KIDINS220: variants seen among roughly 807,000 people sequenced by gnomAD.
KIDINS220 encodes the protein kinase D interacting substrate 220.
Under a neutral mutation model 157.6 loss-of-function variants are expected in KIDINS220, and 63 were observed. The observed-to-expected ratio is 0.40, with a 90% CI of 0.33 to 0.49. The LOEUF (loss-of-function observed/expected upper bound fraction) is 0.49, where lower values mean the gene tolerates loss of function less well. KIDINS220 is among the 20% of genes least tolerant of loss of function. The pLI, the probability that KIDINS220 is intolerant of heterozygous loss-of-function variation, is 0.66. For synonymous variants in KIDINS220, 732 were observed against 783.6 expected, an observed-to-expected ratio of 0.93 and a Z score of 1.10; for missense variants, 1,772 against 2,171.2, an observed-to-expected ratio of 0.82 and a Z score of 3.65.
chr2:8,788,889 A>T (rs1672793055), intron 14 of KIDINS220, 77 bp from the exon 15 acceptor site: 11 of 1,307,248 alleles, frequency 8.4e-6, no homozygotes, highest in Non-Finnish European at 1.2e-5. Context: ...ATCAAGTATC[A>T]AGTAATGAGA....
At chr2:8,822,952 C>T (rs1678212760) in intron 2 of KIDINS220, among the ~76,000 whole-genome samples, 1 of 152,092 alleles carries the variant, frequency 6.6e-6, no homozygotes, top group Non-Finnish European at 1.5e-5. Flanking sequence ...CAGTATCAGG[C>T]AATTTTATCC....
At chr2:8,738,422 C>T (rs965940729) in intron 26 of KIDINS220, among the ~76,000 whole-genome samples, 1 of 152,200 alleles carries the variant, frequency 6.6e-6, no homozygotes, top group Non-Finnish European at 1.5e-5. Flanking sequence ...ATAGAAGGAA[C>T]AATAAAACTT....
chr2:8,799,377 C>A (rs1422442239), intron 9 of KIDINS220, among the ~76,000 whole-genome samples: 1 of 151,906 alleles, frequency 6.6e-6, no homozygotes, highest in East Asian at 1.9e-4. Flanking sequence ...CTCAAGGGAT[C>A]TTCCCACCTC....
At chr2:8,749,586 A>C (rs1003590513) in intron 24 of KIDINS220, among the ~76,000 whole-genome samples, 36 of 152,254 alleles carry the variant, frequency 2.4e-4, no homozygotes, top group African/African-American at 8.4e-4. Flanking sequence ...ACTGAAGATA[A>C]CTTGACATAA....
At chr2:8,726,298 G>T (rs1227355271), downstream of KIDINS220, among the ~76,000 whole-genome samples, 1 of 152,194 alleles carries the variant, frequency 6.6e-6, no homozygotes, top group Non-Finnish European at 1.5e-5. Flanking sequence ...TCCTCGTCAT[G>T]AAACATTCCA....
chr2:8,806,336 T>G lies in KIDINS220; in HGVS notation c.538A>C (p.Lys180Gln). Residue 180 changes from lysine to glutamine, a missense_variant, in exon 7 of 30, where the codon AAG (lysine) becomes CAG (glutamine). Lys to Gln is a moderately conservative substitution (Grantham distance 53, BLOSUM62 1). This residue lies in a region of KIDINS220 where 254 missense variants were observed against 268.6 expected (regional missense o/e 0.95). Coordinates refer to ENST00000256707, the MANE Select transcript of KIDINS220 (RefSeq NM_020738.4). ...TGTTTCACACATTCCAAATGACCCT[T>G]TCGTGCAGCCCAAACTAAAGGGGTG... is the stretch of plus-strand genomic sequence containing the variant. ...GTTPLVWAAR[K>Q]GHLECVKHLL... 1 of 1,610,510 alleles carries G rather than the reference T, an allele frequency of 6.2e-7. No homozygotes were observed. The highest frequency in any genetic ancestry group is 8.5e-7 in the Non-Finnish European group (1 of 1,178,044).
intron 4 of KIDINS220, among the ~76,000 whole-genome samples, chr2:8,816,244 T>C (rs1677059926): frequency 6.6e-6 from 1 of 152,200 alleles, no homozygotes; most frequent in Non-Finnish European, 1.5e-5. Context: ...TAACGTATAT[T>C]TTATTGTTCC....
chr2:8,748,473 T>TA (rs1666869815), intron 24 of KIDINS220, among the ~76,000 whole-genome samples: 1 of 152,232 alleles, frequency 6.6e-6, no homozygotes, highest in Non-Finnish European at 1.5e-5. Context: ...ATAATGTTAT[T>TA]ACAAGTTCCT....
intron 21 of KIDINS220, among the ~76,000 whole-genome samples, chr2:8,772,089 A>G (rs912502571): frequency 5.3e-5 from 8 of 152,236 alleles, no homozygotes; most frequent in African/African-American, 1.9e-4. Context: ...GAGTGAGGAC[A>G]TTCAGACAAA....
intron 26 of KIDINS220, among the ~76,000 whole-genome samples, chr2:8,745,120 A>C (rs147068475): frequency 2.0e-4 from 31 of 152,316 alleles, no homozygotes; most frequent in African/African-American, 7.2e-4. Context: ...ATTTGTCTAC[A>C]TTCTTGAGCA....
intron 26 of KIDINS220, among the ~76,000 whole-genome samples, chr2:8,738,971 T>C (rs1456439722): frequency 6.6e-6 from 1 of 152,140 alleles, no homozygotes; most frequent in East Asian, 1.9e-4. Flanking sequence ...AATCCCGAAA[T>C]CTCTCTACTT....
At chr2:8,766,273 C>A (rs1180257257) in intron 22 of KIDINS220, among the ~76,000 whole-genome samples, 1 of 152,182 alleles carries the variant, frequency 6.6e-6, no homozygotes, top group East Asian at 1.9e-4. Flanking sequence ...CAGGTGCTCT[C>A]TGGCCCGGAA....
At chr2:8,749,416 A>G (rs1185847942) in intron 24 of KIDINS220, 1 of 456,186 alleles carries the variant, frequency 2.2e-6, no homozygotes, top group African/African-American at 2.0e-5. Flanking sequence ...TTCATGCTCC[A>G]TTTTCCTACA....
At chr2:8,808,200 G>A (rs1675772875) in intron 6 of KIDINS220, among the ~76,000 whole-genome samples, 1 of 151,930 alleles carries the variant, frequency 6.6e-6, no homozygotes, top group Non-Finnish European at 1.5e-5. Context: ...CCACTAAAAA[G>A]AACTAAATTC....
At chr2:8,768,887 A>G (rs989755749) in intron 22 of KIDINS220, among the ~76,000 whole-genome samples, 2 of 152,166 alleles carry the variant, frequency 1.3e-5, no homozygotes, top group African/African-American at 4.8e-5. Flanking sequence ...TTTTAAGTCA[A>G]TTCATACGAA....
intron 26 of KIDINS220, among the ~76,000 whole-genome samples, chr2:8,741,250 C>T (rs972097962): frequency 6.6e-6 from 1 of 152,208 alleles, no homozygotes; most frequent in East Asian, 1.9e-4. Context: ...CATAACACTA[C>T]ATTTTAAGAG....
intron 26 of KIDINS220, chr2:8,737,240 A>G (rs1665005953): frequency 2.9e-6 from 1 of 348,388 alleles, no homozygotes; most frequent in Admixed American, 4.2e-5. Context: ...AAGAAAACAG[A>G]ACATTTCATG....
At position 8,728,914 on chromosome 2, in the gene KIDINS220, A is replaced by C. The variant is rs1663645829; in HGVS notation, c.*1806T>G. 3.1e-6 allele frequency: 3 copies of C among 981,894 alleles called. No individual in the cohort carries two copies. The highest frequency in any genetic ancestry group is 9.4e-5 in the South Asian group (2 of 21,206). 60.8% of individuals were successfully genotyped at this position (981,894 alleles called of 1,614,324 possible). ...ATGTGAATCATCATAGTGAATAAAA[A>C]TTCATGAGTCAGAATAGCATGCAAT... On this transcript the variant is annotated 3_prime_UTR_variant, in exon 30 of 30. Transcript: ENST00000256707.
At chr2:8,727,050 A>G (rs1198795213), downstream of KIDINS220, 1 of 998,526 alleles carries the variant, frequency 1.0e-6, no homozygotes, top group Non-Finnish European at 1.4e-6. Flanking sequence ...AAAACTATCC[A>G]GTGCTGGCTG....
Sources: allele counts gnomAD v4.1 joint callset (sites outside exome capture counted in the v4.1 genomes callset), GRCh38; gene constraint gnomAD v4.1.1; regional missense constraint gnomAD v4.1.1; transcripts MANE v1.5; gene names NCBI Gene and HGNC (gene_info 2026-07-23, HGNC 2026-07-21).